Variants in TMEM276 observed in about 807,000 individuals in gnomAD.
TMEM276 encodes the protein transmembrane protein 276.
At chr8:144,464,950 A>G in the TMEM276 span, 24 of 1,598,530 alleles carry the variant, frequency 1.5e-5, no homozygotes, top group African/African-American at 2.5e-4. Flanking sequence ...GAGATACTCA[A>G]CTTTGGAGAG....
At chr8:144,464,684 T>G in the TMEM276 span, 14 of 1,574,282 alleles carry the variant, frequency 8.9e-6, no homozygotes, top group Non-Finnish European at 1.1e-5. Flanking sequence ...GGAAAGGGTT[T>G]GGGGCTTCCA....
At chr8:144,466,419 C>A in the TMEM276 span, 1 of 1,322,024 alleles carries the variant, frequency 7.6e-7, no homozygotes, top group Admixed American at 2.8e-5. Context: ...CCCGCGCTCC[C>A]ATGTACGCCT....
At chr8:144,464,820 T>C in the TMEM276 span, 3 of 1,612,826 alleles carry the variant, frequency 1.9e-6, no homozygotes, top group Non-Finnish European at 2.5e-6. Context: ...TCGGCTGTGC[T>C]CACGGCTGCG....
the TMEM276 span, chr8:144,466,822 G>A: frequency 7.2e-6 from 11 of 1,537,528 alleles, no homozygotes; most frequent in Middle Eastern, 1.7e-3. Context: ...TGTGGACCGA[G>A]CTGACCGGCC....
the TMEM276 span, chr8:144,465,276 G>A: frequency 9.0e-7 from 1 of 1,115,542 alleles, no homozygotes; most frequent in Non-Finnish European, 1.1e-6. Context: ...CTGCGTTCCG[G>A]GAGGCGTTGT....
At chr8:144,464,464 T>C in the TMEM276 span, 3 of 1,611,962 alleles carry the variant, frequency 1.9e-6, no homozygotes, top group Admixed American at 1.7e-5. Flanking sequence ...ATTCACCCAG[T>C]GGAAATCGAA....
the TMEM276 span, chr8:144,466,834 G>A: frequency 2.0e-6 from 3 of 1,536,930 alleles, no homozygotes; most frequent in Non-Finnish European, 2.6e-6. Context: ...TGACCGGCCT[G>A]GCCGGTAGGT....
At chr8:144,463,972 G>A in the TMEM276 span, 32 of 1,504,486 alleles carry the variant, frequency 2.1e-5, no homozygotes, top group Admixed American at 1.2e-4. Flanking sequence ...GTGGCCAAAG[G>A]ACAGCACCCA....
the TMEM276 span, chr8:144,466,640 G>A: frequency 1.0e-6 from 1 of 983,960 alleles, no homozygotes; most frequent in Non-Finnish European, 1.4e-6. Flanking sequence ...AGGACCCTCG[G>A]CTCGGCCCCG....
At chr8:144,466,948 C>T in the TMEM276 span, 4 of 1,589,154 alleles carry the variant, frequency 2.5e-6, no homozygotes, top group Non-Finnish European at 3.4e-6. Flanking sequence ...GCCCTCCTCC[C>T]TGACCGGCAG....
the TMEM276 span, chr8:144,465,201 T>TG: frequency 7.8e-7 from 1 of 1,276,616 alleles, no homozygotes; most frequent in Non-Finnish European, 1.0e-6. Context: ...CAAGTGGGAG[T>TG]GCGGGCCTGG....
At chr8:144,465,352 C>A in the TMEM276 span, 14 of 1,072,920 alleles carry the variant, frequency 1.3e-5, no homozygotes, top group Non-Finnish European at 1.5e-5. Flanking sequence ...TGCGCAGTTA[C>A]CGGGCTGCGC....
the TMEM276 span, chr8:144,464,011 G>C: frequency 1.3e-6 from 2 of 1,522,384 alleles, no homozygotes; most frequent in Non-Finnish European, 1.8e-6. Flanking sequence ...TCAATGTGCA[G>C]CAAACCCACT....
At chr8:144,465,106 A>G in the TMEM276 span, 267 of 1,493,414 alleles carry the variant, frequency 1.8e-4, no homozygotes, top group Non-Finnish European at 2.3e-4. Flanking sequence ...CCTGTGGAGA[A>G]GAAGAACCTA....
the TMEM276 span, chr8:144,466,411 C>T: frequency 3.9e-6 from 5 of 1,274,446 alleles, no homozygotes; most frequent in South Asian, 1.9e-5. Context: ...TCTGCCGCCC[C>T]GCGCTCCCAT....
the TMEM276 span, chr8:144,464,346 C>A: frequency 6.2e-7 from 1 of 1,611,888 alleles, no homozygotes; most frequent in Non-Finnish European, 8.5e-7. Flanking sequence ...CGACCACCAA[C>A]AGCATTGCCT....
At chr8:144,464,183 C>T in the TMEM276 span, 4 of 1,613,126 alleles carry the variant, frequency 2.5e-6, no homozygotes, top group South Asian at 3.3e-5. Flanking sequence ...CAGCTGCCTA[C>T]AGCCAAGGCC....
the TMEM276 span, chr8:144,464,446 C>A: frequency 6.2e-7 from 1 of 1,612,206 alleles, no homozygotes; most frequent in African/African-American, 1.3e-5. Flanking sequence ...GGCAGAGGAG[C>A]GGTCCCCATT....
At chr8:144,464,955 G>A in the TMEM276 span, 2 of 1,594,552 alleles carry the variant, frequency 1.3e-6, no homozygotes, top group Non-Finnish European at 1.7e-6. Context: ...ACTCAACTTT[G>A]GAGAGGAAGG....
Sources: gnomAD v4.1 joint callset for allele counts on GRCh38, gnomAD v4.1.1 for gene constraint, MANE v1.5 for transcripts, NCBI Gene and HGNC (gene_info 2026-07-23, HGNC 2026-07-21) for gene names.